ABCA13: variants seen among roughly 807,000 people sequenced by gnomAD.
ABCA13 encodes ATP binding cassette subfamily A member 13, also known as ATP-binding cassette sub-family A member 13.
ABCA13 carries 476 observed loss-of-function variants against 478.7 expected under a neutral mutation model. That is an observed-to-expected ratio of 0.99 (90% confidence interval 0.92 to 1.07). The LOEUF is 1.07. Ranked by LOEUF, ABCA13 falls within the 50% of genes least tolerant of loss-of-function variation. ABCA13 has a pLI of 0.00. For synonymous variants in ABCA13, 2,252 were observed against 2,158.9 expected, an observed-to-expected ratio of 1.04 and a Z score of -1.20; for missense variants, 6,060 against 5,910.6, an observed-to-expected ratio of 1.03 and a Z score of -0.83.
intron 1 of ABCA13, among the ~76,000 whole-genome samples, chr7:48,180,383 A>G (rs980738893): frequency 6.6e-6 from 1 of 152,078 alleles, no homozygotes; most frequent in South Asian, 2.1e-4. Flanking sequence ...TTATCCTAAC[A>G]TACTACTCTT....
At chr7:48,442,224 G>GTATTATGACTT (rs1258922653) in intron 42 of ABCA13, among the ~76,000 whole-genome samples, 1 of 152,324 alleles carries the variant, frequency 6.6e-6, no homozygotes, top group East Asian at 1.9e-4. Flanking sequence ...TTCCCCAGTT[G>GTATTATGACTT]TATTATGACT....
At chr7:48,349,371 T>G (rs1342962715) in intron 29 of ABCA13, among the ~76,000 whole-genome samples, 1 of 152,182 alleles carries the variant, frequency 6.6e-6, no homozygotes, top group Non-Finnish European at 1.5e-5. Flanking sequence ...CGACACTTCT[T>G]GATGTTGTTT....
intron 15 of ABCA13, among the ~76,000 whole-genome samples, chr7:48,253,392 A>T (rs185279492): frequency 1.1e-3 from 173 of 152,340 alleles, no homozygotes; most frequent in Non-Finnish European, 1.9e-3. Context: ...TGAAATTGAT[A>T]CACATCTTCC....
intron 51 of ABCA13, among the ~76,000 whole-genome samples, chr7:48,512,149 G>A (rs80048341): frequency 0.028 from 4,192 of 151,760 alleles, 77 homozygotes; most frequent in East Asian, 0.081. Context: ...TTAAGAGAGA[G>A]AGAGAAACAA....
chr7:48,341,092 A>G (rs1247334393), intron 29 of ABCA13, among the ~76,000 whole-genome samples: 1 of 152,208 alleles, frequency 6.6e-6, no homozygotes, highest in Non-Finnish European at 1.5e-5. Context: ...GTTATAAAAC[A>G]GTATGAGGAG....
rs11340788 is a variant in ABCA13, at chr7:48,405,850, A to AT, written c.12070+1979dup. On this transcript the variant is annotated intron_variant, in intron 39 of 61. Coordinates refer to ENST00000435803, the MANE Select transcript of ABCA13 (RefSeq NM_152701.5). ...TCTCACTGTCCTTCGTTGTTTAGCAATTTTTTTTGTCTTTGGAGGACTTTT... is the reference window on the plus strand; with the variant it reads ...TCTCACTGTCCTTCGTTGTTTAGCAATTTTTTTTTGTCTTTGGAGGACTTTT... Among the ~76,000 whole-genome samples the AT allele has an allele frequency of 4.6e-5, 7 of 151,912 alleles. No individual in the cohort carries two copies. In the South Asian group the frequency reaches 8.3e-4, roughly 18 times the overall value.
Position 48,360,281 on chromosome 7 carries a change from A to G in ABCA13, c.10689-7513A>G, listed in dbSNP as rs113316415. Among the ~76,000 whole-genome samples, 166 of 149,020 alleles carry G rather than the reference A, an allele frequency of 1.1e-3. 3 individuals carry two copies. The highest frequency in any genetic ancestry group is 3.7e-3 in the African/African-American group (149 of 40,110). On this transcript the variant is annotated intron_variant, in intron 31 of 61. Coordinates refer to ENST00000435803, the MANE Select transcript of ABCA13 (RefSeq NM_152701.5). ...TCAGTTCCCACCTATGAGTGAGGAC[A>G]TGGAGTGTTTGGTTTTCTGTCCGTG... is the stretch of plus-strand genomic sequence containing the variant.
chr7:48,525,670 C>CTTTTTT (rs538127881), intron 54 of ABCA13, among the ~76,000 whole-genome samples: 5 of 68,304 alleles, frequency 7.3e-5, no homozygotes, highest in Admixed American at 1.7e-4. Flanking sequence ...TTTAGATGCG[C>CTTTTTT]TTTTTTTTTT....
chr7:48,266,169 A>T (rs56713035), intron 15 of ABCA13, among the ~76,000 whole-genome samples: 19,115 of 151,730 alleles, frequency 0.13, 1,241 homozygotes, highest in South Asian at 0.18. Context: ...ATTGGATTTA[A>T]TTTGTTAAAA....
At chr7:48,408,487 A>G (rs114078044) in intron 39 of ABCA13, among the ~76,000 whole-genome samples, 622 of 152,300 alleles carry the variant, frequency 4.1e-3, no homozygotes, top group African/African-American at 0.014. Context: ...GGACAGGGAC[A>G]TACATGTGCA....
At chr7:48,320,779 C>CTAAGGGACG (rs1803333582) in intron 27 of ABCA13, among the ~76,000 whole-genome samples, 1 of 152,204 alleles carries the variant, frequency 6.6e-6, no homozygotes, top group African/African-American at 2.4e-5. Flanking sequence ...GTCTGGGCTT[C>CTAAGGGACG]TAAGGGACGT....
At chr7:48,382,810 G>T (rs1386881177) in intron 35 of ABCA13, among the ~76,000 whole-genome samples, 2 of 151,896 alleles carry the variant, frequency 1.3e-5, no homozygotes, top group Middle Eastern at 3.4e-3. Flanking sequence ...TCATAAGAAG[G>T]CGCAGTCTCT....
chr7:48,547,912 A>G lies in ABCA13; in HGVS notation c.14354+19567A>G, dbSNP rs1301453048. On this transcript the variant is annotated intron_variant, in intron 55 of 61. Coordinates refer to ENST00000435803, the MANE Select transcript of ABCA13 (RefSeq NM_152701.5). ...TCAACTTACAGTATTTTAAACTTACAATAGGTTTATTGGGATGTAACCCCA... is the reference window on the plus strand; with the variant it reads ...TCAACTTACAGTATTTTAAACTTACGATAGGTTTATTGGGATGTAACCCCA... Among the ~76,000 whole-genome samples the G allele has an allele frequency of 1.3e-5, 2 of 151,862 alleles. 1 individual carries two copies. Among genetic ancestry groups the G allele is most frequent in the Non-Finnish European group, 2.9e-5 (2 of 67,860 alleles).
In ABCA13 at chr7:48,249,256, C is replaced by T. The variant is rs1792160785; in HGVS notation, c.1910C>T (p.Ala637Val). Residue 637 changes from alanine (A) to valine (V), a missense_variant, in exon 15 of 62, where the codon GCA (alanine) becomes GTA (valine). Physicochemically the swap from Ala to Val is moderately conservative, Grantham distance 64. Around this residue, in one of 3 missense-constraint regions of ABCA13, gnomAD observed 4,423 missense variants for 4,309.1 expected, o/e 1.03. Coordinates refer to ENST00000435803, the MANE Select transcript of ABCA13 (RefSeq NM_152701.5). ...AAAACACAATTTTTCCTGGAACAAGCATATTATTGGAAAGCCTTCAAAAAG... is the reference window on the plus strand; with the variant it reads ...AAAACACAATTTTTCCTGGAACAAGTATATTATTGGAAAGCCTTCAAAAAG... ...LEKTQFFLEQ[A>V]YYWKAFKKFI... is the part of the protein sequence containing the mutation. The T allele has an allele frequency of 6.2e-7, 1 of 1,612,894 alleles. No individual in the cohort carries two copies. The highest frequency in any genetic ancestry group is 8.5e-7 in the Non-Finnish European group (1 of 1,179,232).
chr7:48,356,340 A>G (rs1387930874), intron 31 of ABCA13, among the ~76,000 whole-genome samples: 2 of 151,854 alleles, frequency 1.3e-5, no homozygotes, highest in African/African-American at 4.9e-5. Flanking sequence ...ACAGCTCTCA[A>G]TGGGAAGAAA....
intron 48 of ABCA13, among the ~76,000 whole-genome samples, chr7:48,491,170 T>C (rs1188704704): frequency 6.6e-6 from 1 of 152,194 alleles, no homozygotes; most frequent in Admixed American, 6.5e-5. Context: ...GATGCTAGTT[T>C]GGTTCACATA....
At chr7:48,588,447 G>A (rs749378387) in intron 57 of ABCA13, among the ~76,000 whole-genome samples, 2 of 152,184 alleles carry the variant, frequency 1.3e-5, no homozygotes, top group Non-Finnish European at 2.9e-5. Flanking sequence ...CTGTAGCCAT[G>A]ACCTGCTCAC....
chr7:48,225,522 A>G (rs919555375), intron 5 of ABCA13, among the ~76,000 whole-genome samples: 7 of 152,176 alleles, frequency 4.6e-5, no homozygotes, highest in African/African-American at 7.2e-5. Context: ...TGTTCTAATA[A>G]TGTCCTTAAC....
rs1828728266 is a variant in ABCA13, at chr7:48,481,229, T to G, written c.13094+75T>G. 2.5e-5 allele frequency: 32 copies of G among 1,284,814 alleles called. No individual in the cohort carries two copies. The South Asian group carries it at 4.3e-4, about 17-fold the overall frequency. The allele number at this position is 1,284,814 out of a possible 1,614,324, so 79.6% of individuals were successfully genotyped here. On this transcript the variant is annotated intron_variant, in intron 46 of 61. Coordinates refer to ENST00000435803, the MANE Select transcript of ABCA13 (RefSeq NM_152701.5). ...AAACTTATTGTTTTAAATGCTAATG[T>G]TCTTAAAAAGTCAAAAATCTAAGAC... is the stretch of plus-strand genomic sequence containing the variant.
Sources: allele counts gnomAD v4.1 joint callset (sites outside exome capture counted in the v4.1 genomes callset), GRCh38; gene constraint gnomAD v4.1.1; regional missense constraint gnomAD v4.1.1; transcripts MANE v1.5; gene names NCBI Gene and HGNC (gene_info 2026-07-23, HGNC 2026-07-21).